The following ALMS1 variants were observed in gnomAD, a reference collection of about 807,000 sequenced individuals.
The protein encoded by ALMS1 is centrosome-associated protein ALMS1.
Under a neutral mutation model 352.2 loss-of-function variants are expected in ALMS1, and 271 were observed. The ratio of observed to expected loss-of-function variants is 0.77; its 90% confidence interval spans 0.70 to 0.85. ALMS1 has a LOEUF of 0.85. Ranked by LOEUF, ALMS1 falls within the 40% of genes least tolerant of loss-of-function variation. The pLI is 0.00. For synonymous variants in ALMS1, 1,865 were observed against 1,761.2 expected (o/e 1.06, Z -1.48); for missense variants, 5,445 against 4,870.7 (o/e 1.12, Z -3.51).
chr2:73,559,061 A>G lies in ALMS1; in HGVS notation c.10303A>G (p.Lys3435Glu), dbSNP rs34071195. 5,070 of 1,614,060 alleles carry G rather than the reference A, an allele frequency of 3.1e-3. 122 individuals carry two copies. The African/African-American group carries it at 0.057, about 18-fold the overall frequency. Residue 3435 changes from lysine to glutamate, a missense_variant, in exon 15 of 23, where the codon AAA (lysine) becomes GAA (glutamate). Lys to Glu is a moderately conservative substitution (Grantham distance 56). Coordinates refer to ENST00000613296, the MANE Select transcript of ALMS1 (RefSeq NM_001378454.1). ...NLPDTKAITQKEEIHRKKTVP... is the reference protein window; with the variant it reads ...NLPDTKAITQEEEIHRKKTVP... ...GCCAGACACTAAAGCCATTACACAG[A>G]AAGAGGAGATCCATAGGAAGAAGAC...
In ALMS1 at chr2:73,451,799, T is replaced by A. The variant is rs1179437667; in HGVS notation, c.5272T>A (p.Phe1758Ile). 1 of 1,614,094 alleles carries A rather than the reference T, an allele frequency of 6.2e-7. No individual in the cohort carries two copies. The highest frequency in any genetic ancestry group is 1.7e-5 in the Admixed American group (1 of 60,008). The change falls in exon 8 of 23, where the codon TTC (phenylalanine) becomes ATC (isoleucine). Residue 1758 changes from phenylalanine (F) to isoleucine (I), a missense_variant. Phe to Ile is a conservative substitution (Grantham distance 21). Coordinates refer to ENST00000613296, the MANE Select transcript of ALMS1 (RefSeq NM_001378454.1). ...TGGGTTATCTACTGTAACTTCCTCT[T>A]TCTATTCACATACAGAGAAGCCTAA... ...KTGLSTVTSS[F>I]YSHTEKPNIS... is the part of the protein sequence containing the mutation.
At position 73,489,694 on chromosome 2, in the gene ALMS1, A is replaced by G; in HGVS notation, c.7735A>G (p.Ile2579Val). 1 of 1,614,100 alleles carries G rather than the reference A, an allele frequency of 6.2e-7. No individual in the cohort carries two copies. Among genetic ancestry groups the G allele is most frequent in the Non-Finnish European group, 8.5e-7 (1 of 1,180,010 alleles). Residue 2579 changes from isoleucine (I) to valine (V), a missense_variant, in exon 10 of 23, where the codon ATT becomes GTT. By Grantham distance (29) the Ile-to-Val change is conservative. Transcript: ENST00000613296. ...KPEAVCSHII[I>V]ESHEKGCFRT... The stretch of plus-strand genomic sequence containing the variant: ...AGAAGCTGTATGTAGTCACATTATT[A>G]TTGAGAGCCATGAAAAGGGATGTTT...
At chr2:73,499,097 A>G (rs1032222346) in intron 10 of ALMS1, among the ~76,000 whole-genome samples, 1 of 152,124 alleles carries the variant, frequency 6.6e-6, no homozygotes, top group African/African-American at 2.4e-5. Context: ...CCACGTCTTC[A>G]CCAGCATTTG....
Position 73,408,624 on chromosome 2 carries a change from T to G in ALMS1, c.327T>G (p.Ile109Met). Reference sequence around the variant, plus strand: ...TTAAGCCTGCTTTTGATTTTCAGATTGTTCCATTGACCTGTCATGTATGGC... The same window carrying G: ...TTAAGCCTGCTTTTGATTTTCAGATGGTTCCATTGACCTGTCATGTATGGC... ...SEGERTSLEKIVPLTCHVWQQ... is the reference protein window; with the variant it reads ...SEGERTSLEKMVPLTCHVWQQ... The change falls in exon 2 of 23, where the codon ATT (isoleucine) becomes ATG (methionine). Residue 109 changes from isoleucine to methionine, a missense_variant and splice_region_variant. Physicochemically the swap from Ile to Met is conservative, Grantham distance 10 (BLOSUM62 1). Coordinates refer to ENST00000613296, the MANE Select transcript of ALMS1 (RefSeq NM_001378454.1). The G allele has an allele frequency of 6.2e-7, 1 of 1,612,978 alleles. No homozygotes were observed. Among genetic ancestry groups the G allele is most frequent in the South Asian group, 1.1e-5 (1 of 91,048 alleles).
chr2:73,483,115 C>A (rs1234972214), intron 9 of ALMS1, among the ~76,000 whole-genome samples: 1 of 145,706 alleles, frequency 6.9e-6, no homozygotes, highest in Non-Finnish European at 1.5e-5. Flanking sequence ...CTTCTGCTAG[C>A]TTTTGAATGT....
In ALMS1 at chr2:73,572,289, ATAC is replaced by A; in HGVS notation, c.10416_10418del (p.Thr3473del). 2 of 1,608,358 alleles carry A rather than the reference ATAC, an allele frequency of 1.2e-6. No homozygotes were observed. Among genetic ancestry groups the A allele is most frequent in the Non-Finnish European group, 1.7e-6 (2 of 1,178,454 alleles). On this transcript the variant is annotated inframe_deletion, in exon 16 of 23. Coordinates refer to ENST00000613296, the MANE Select transcript of ALMS1 (RefSeq NM_001378454.1). ...TCCGAATGTCATTCAGAATTTGAAAATACTACCCGTTCTGTCTTCAGGTCAGCA... is the reference window on the plus strand; with the variant it reads ...TCCGAATGTCATTCAGAATTTGAAAATACCCGTTCTGTCTTCAGGTCAGCA...
intron 10 of ALMS1, among the ~76,000 whole-genome samples, chr2:73,508,075 A>G (rs538419237): frequency 7.4e-4 from 113 of 151,802 alleles, no homozygotes; most frequent in Middle Eastern, 3.4e-3. Flanking sequence ...GTTTCCATGT[A>G]GTTGTGCGGT....
chr2:73,508,224 T>TC (rs397869402), intron 10 of ALMS1, among the ~76,000 whole-genome samples: 6 of 141,876 alleles, frequency 4.2e-5, no homozygotes, highest in South Asian at 2.4e-4. Context: ...TTTTTTTTTT[T>TC]CCGAGTCTCA....
intron 10 of ALMS1, among the ~76,000 whole-genome samples, chr2:73,517,677 G>A (rs1158116774): frequency 6.6e-6 from 1 of 150,508 alleles, no homozygotes; most frequent in Admixed American, 6.6e-5. Context: ...TTTTTTTGAA[G>A]ACAGAGTTTT....
chr2:73,465,607 G>T (rs1293986474), intron 9 of ALMS1, among the ~76,000 whole-genome samples: 1 of 152,066 alleles, frequency 6.6e-6, no homozygotes, highest in Non-Finnish European at 1.5e-5. Context: ...AACACCAAAA[G>T]CAATGGCAAC....
Position 73,572,562 on chromosome 2 carries a change from C to T in ALMS1, c.10685C>T (p.Thr3562Ile), listed in dbSNP as rs1674959661. Residue 3562 changes from threonine (T) to isoleucine (I), a missense_variant, in exon 16 of 23, where the codon ACT becomes ATT. Coordinates refer to ENST00000613296, the MANE Select transcript of ALMS1 (RefSeq NM_001378454.1). The stretch of plus-strand genomic sequence containing the variant: ...TTGGGAAACAAAGAAGTGATGGATA[C>T]TACTAAAAGTCAAGTTAGAGATTAT... ...VNLGNKEVMD[T>I]TKSQVRDYPK... 3 of 1,613,750 alleles carry T rather than the reference C, an allele frequency of 1.9e-6. No homozygotes were observed. Among genetic ancestry groups the T allele is most frequent in the African/African-American group, 2.7e-5 (2 of 75,026 alleles).
chr2:73,471,282 C>G (rs1419731980), intron 9 of ALMS1, among the ~76,000 whole-genome samples: 10 of 147,208 alleles, frequency 6.8e-5, no homozygotes, highest in African/African-American at 2.5e-4. Context: ...TTACCAAAGT[C>G]TTAACAGAAA....
rs947099495 is a variant in ALMS1, at chr2:73,408,872, T to C, written c.450+125T>C. On this transcript the variant is annotated intron_variant, in intron 2 of 22. Coordinates refer to ENST00000613296, the MANE Select transcript of ALMS1 (RefSeq NM_001378454.1). ...ATATTATGTTTTCTTGTCTTTTTTT[T>C]TTTTTTTTTTTTTTTTTTAAGACAG... is the stretch of plus-strand genomic sequence containing the variant. 624 of 861,532 alleles carry C rather than the reference T, an allele frequency of 7.2e-4. 7 individuals are homozygous for C. In the African/African-American group the frequency reaches 0.012, roughly 17 times the overall value. 53.4% of individuals were successfully genotyped at this position (861,532 alleles called of 1,614,324 possible).
Position 73,452,256 on chromosome 2 carries a change from T to C in ALMS1, c.5729T>C (p.Leu1910Ser). The change falls in exon 8 of 23, where the codon TTG (leucine) becomes TCG (serine). Residue 1910 changes from leucine (L) to serine (S), a missense_variant. Transcript: ENST00000613296. ...EKASIFHQQELPDVTEEALNV... is the reference protein window; with the variant it reads ...EKASIFHQQESPDVTEEALNV... ...GCCAGTATTTTTCATCAGCAGGAGT[T>C]GCCAGATGTTACTGAAGAAGCTTTA... 1 of 1,614,082 alleles carries C rather than the reference T, an allele frequency of 6.2e-7. No homozygotes were observed. Among genetic ancestry groups the C allele is most frequent in the Non-Finnish European group, 8.5e-7 (1 of 1,180,002 alleles).
intron 14 of ALMS1, 55 bp downstream of exon 14, chr2:73,557,409 C>T: frequency 6.2e-7 from 1 of 1,608,674 alleles, no homozygotes; most frequent in Non-Finnish European, 8.5e-7. Context: ...TAAAATGAGA[C>T]TATTCCCTTA....
intron 2 of ALMS1, among the ~76,000 whole-genome samples, chr2:73,415,740 G>A (rs988514918): frequency 1.3e-5 from 2 of 152,138 alleles, no homozygotes; most frequent in South Asian, 2.1e-4. Flanking sequence ...CTCCAGCAAC[G>A]TGCTGCTGAT....
intron 6 of ALMS1, among the ~76,000 whole-genome samples, chr2:73,429,727 C>T (rs768166695): frequency 2.0e-5 from 3 of 152,174 alleles, no homozygotes; most frequent in Non-Finnish European, 4.4e-5. Context: ...ATGATTATCA[C>T]CTCTGTTTTT....
intron 10 of ALMS1, among the ~76,000 whole-genome samples, chr2:73,508,844 G>T (rs559800492): frequency 6.6e-6 from 1 of 152,132 alleles, no homozygotes; most frequent in Non-Finnish European, 1.5e-5. Context: ...CACTATTACC[G>T]TGTGGGAGTC....
At chr2:73,391,694 T>G (rs1478579221) in intron 1 of ALMS1, among the ~76,000 whole-genome samples, 6 of 152,240 alleles carry the variant, frequency 3.9e-5, no homozygotes, top group Non-Finnish European at 2.9e-5. Context: ...CTAGATTTTA[T>G]TTGCAGATAT....
Sources: allele counts gnomAD v4.1 joint callset (sites outside exome capture counted in the v4.1 genomes callset), GRCh38; gene constraint gnomAD v4.1.1; transcripts MANE v1.5; gene names NCBI Gene and HGNC (gene_info 2026-07-23, HGNC 2026-07-21).